ALG5: variants seen among roughly 807,000 people sequenced by gnomAD.
ALG5 encodes ALG5 dolichyl-phosphate beta-glucosyltransferase.
A neutral mutation model predicts 51.8 loss-of-function variants in ALG5; 26 were observed. The observed-to-expected ratio is 0.50, with a 90% CI of 0.37 to 0.70. The LOEUF (loss-of-function observed/expected upper bound fraction) is 0.70, where lower values mean the gene tolerates loss of function less well. Ranked by LOEUF, ALG5 falls within the 30% of genes least tolerant of loss-of-function variation. The pLI is 0.00. For synonymous variants in ALG5, 141 were observed against 136.1 expected, an observed-to-expected ratio of 1.04 and a Z score of -0.25; for missense variants, 311 against 399.3, an observed-to-expected ratio of 0.78 and a Z score of 1.88.
At chr13:36,950,997 CT>C (rs1327459684) in intron 9 of ALG5, among the ~76,000 whole-genome samples, 1 of 152,034 alleles carries the variant, frequency 6.6e-6, no homozygotes, top group Non-Finnish European at 1.5e-5. Flanking sequence ...TAAAGAAGAC[CT>C]TTTTCACTGC....
At chr13:36,971,300 A>C (rs2058921825) in intron 7 of ALG5, among the ~76,000 whole-genome samples, 1 of 152,286 alleles carries the variant, frequency 6.6e-6, no homozygotes, top group Admixed American at 6.5e-5. Context: ...AAAATAAAGC[A>C]CTTAACTGTG....
chr13:36,995,356 G>T (rs1477433177), intron 2 of ALG5, 69 bp downstream of exon 2: 1 of 1,500,050 alleles, frequency 6.7e-7, no homozygotes, highest in African/African-American at 1.4e-5. Flanking sequence ...AGACAGTGAA[G>T]TCAAATACTT....
intron 6 of ALG5, among the ~76,000 whole-genome samples, chr13:36,973,260 G>A (rs2058934824): frequency 6.6e-6 from 1 of 152,046 alleles, no homozygotes; most frequent in African/African-American, 2.4e-5. Flanking sequence ...TTCAAACTAA[G>A]GTGCTGGAAT....
Position 36,985,635 on chromosome 13 carries a change from G to T in ALG5, c.553C>A (p.Pro185Thr). The T allele has an allele frequency of 6.2e-7, 1 of 1,611,914 alleles. No individual in the cohort carries two copies. The highest frequency in any genetic ancestry group is 8.5e-7 in the Non-Finnish European group (1 of 1,178,464). The change falls in exon 6 of 10, where the codon CCT becomes ACT. Residue 185 changes from proline to threonine, a missense_variant. Coordinates refer to ENST00000239891, the MANE Select transcript of ALG5 (RefSeq NM_013338.5). ...KLEKGLNDLQ[P>T]WPNQMAIACG... ...TACATTCTTATACTCACAGGCCAAG[G>T]CTGTAGATCATTTAGCCCCTTTTCT...
chr13:36,974,483 A>G (rs1266394910), intron 6 of ALG5, among the ~76,000 whole-genome samples: 1 of 152,192 alleles, frequency 6.6e-6, no homozygotes, highest in African/African-American at 2.4e-5. Context: ...ATTTCTTTGT[A>G]TTCTTTTTTT....
chr13:36,994,905 C>G, intron 3 of ALG5, 84 bp downstream of exon 3: 1 of 1,203,868 alleles, frequency 8.3e-7, no homozygotes, highest in African/African-American at 1.5e-5. Flanking sequence ...CTGCCTCTCA[C>G]AGTGCATCTG....
At chr13:36,958,900 G>C (rs1006508900) in intron 8 of ALG5, among the ~76,000 whole-genome samples, 5 of 152,020 alleles carry the variant, frequency 3.3e-5, no homozygotes, top group African/African-American at 1.2e-4. Context: ...CCAGGCATTC[G>C]AGCAGGAAGT....
rs1207657129 is a variant in ALG5, at chr13:36,985,607, A to T, written c.561+20T>A. 1.9e-6 allele frequency: 3 copies of T among 1,572,608 alleles called. No homozygotes were observed. Among genetic ancestry groups the T allele is most frequent in the South Asian group, 2.3e-5 (2 of 88,104 alleles). ...TGCATTCTTGACTGAATGTTATTTA[A>T]ACTACATTCTTATACTCACAGGCCA... is the stretch of plus-strand genomic sequence containing the variant. On this transcript the variant is annotated intron_variant, in intron 6 of 9. Coordinates refer to ENST00000239891, the MANE Select transcript of ALG5 (RefSeq NM_013338.5).
At chr13:36,969,164 G>A (rs2058909249) in intron 7 of ALG5, among the ~76,000 whole-genome samples, 1 of 152,138 alleles carries the variant, frequency 6.6e-6, no homozygotes, top group Non-Finnish European at 1.5e-5. Flanking sequence ...CATAGCATAA[G>A]TCTCATTTAA....
chr13:36,999,178 C>T, intron 1 of ALG5, 57 bp downstream of exon 1: 1 of 1,427,556 alleles, frequency 7.0e-7, no homozygotes, highest in Non-Finnish European at 9.3e-7. Flanking sequence ...TGAGGAGCCG[C>T]AGTCTCCAGG....
At chr13:36,953,950 A>G (rs577489880) in intron 8 of ALG5, among the ~76,000 whole-genome samples, 15 of 152,274 alleles carry the variant, frequency 9.9e-5, no homozygotes, top group Admixed American at 9.2e-4. Flanking sequence ...ATAACCTGAA[A>G]AAGATTATTA....
At position 36,965,310 on chromosome 13, in the gene ALG5, A is replaced by AAAAAAAAGGAAGTCTAAGG. The variant is rs1299999593; in HGVS notation, c.773+264_773+265insCCTTAGACTTCCTTTTTTT. Among the ~76,000 whole-genome samples the AAAAAAAAGGAAGTCTAAGG allele has an allele frequency of 2.5e-4, 38 of 152,158 alleles. No homozygotes were observed. The South Asian group carries it at 3.5e-3, about 14-fold the overall frequency. The stretch of plus-strand genomic sequence containing the variant: ...GAGCTTTTTCTTTTTTCTTCAAAGG[A>AAAAAAAAGGAAGTCTAAGG]AAAAAAATGTTTTCAGGCCACTCAA... On this transcript the variant is annotated intron_variant, in intron 8 of 9. Coordinates refer to ENST00000239891, the MANE Select transcript of ALG5 (RefSeq NM_013338.5).
rs149799608 is a variant in ALG5, at chr13:36,989,553, T to C, written c.378A>G (p.Lys126=). Residue 126 remains lysine, a synonymous_variant, in exon 5 of 10, where the codon AAA becomes AAG. Transcript: ENST00000239891. The part of the protein sequence containing the change: ...TSKVAFKYCQ[K]YGSDKVRVIT... ...TCACACGTACTTTGTCACTTCCATA[T>C]TTCTGGCAATATTTAAAAGCTACCT... The C allele has an allele frequency of 2.2e-5, 36 of 1,612,212 alleles. No homozygotes were observed. In the African/African-American group the frequency reaches 4.5e-4, roughly 20 times the overall value.
chr13:36,999,285 A>G lies in ALG5; in HGVS notation c.16T>C (p.Leu6=), dbSNP rs1739090705. 1 of 1,579,380 alleles carries G rather than the reference A, an allele frequency of 6.3e-7. No individual in the cohort carries two copies. The highest frequency in any genetic ancestry group is 8.6e-7 in the Non-Finnish European group (1 of 1,165,632). ...GCCGCGCCGAGCACCGCCAGCTGCA[A>G]CAGAAGCGGAGCCATTCTCCATGCC... MAPLL[L]QLAVLGAALA... The change falls in exon 1 of 10, where the codon TTG becomes CTG. Residue 6 remains leucine (L), a synonymous_variant. Coordinates refer to ENST00000239891, the MANE Select transcript of ALG5 (RefSeq NM_013338.5).
intron 8 of ALG5, among the ~76,000 whole-genome samples, chr13:36,954,208 CT>C (rs2058830179): frequency 6.6e-6 from 1 of 152,170 alleles, no homozygotes; most frequent in Admixed American, 6.5e-5. Context: ...CCACCTTTGC[CT>C]CCTGAACATC....
chr13:36,986,875 C>A (rs1489147873), intron 5 of ALG5, among the ~76,000 whole-genome samples: 1 of 152,138 alleles, frequency 6.6e-6, no homozygotes, highest in African/African-American at 2.4e-5. Flanking sequence ...GGGCAAAAAA[C>A]CAGTAAGTGA....
At chr13:36,959,997 C>A (rs2058858513) in intron 8 of ALG5, among the ~76,000 whole-genome samples, 1 of 151,968 alleles carries the variant, frequency 6.6e-6, no homozygotes, top group Non-Finnish European at 1.5e-5. Context: ...GATAATTATA[C>A]TCTTGAGAGC....
intron 1 of ALG5, among the ~76,000 whole-genome samples, chr13:36,996,058 C>T (rs1161817016): frequency 6.6e-6 from 1 of 152,020 alleles, no homozygotes; most frequent in Non-Finnish European, 1.5e-5. Context: ...GGTGAGGGCA[C>T]ACTTTCCATC....
chr13:36,993,460 G>C, intron 4 of ALG5, 144 bp downstream of exon 4: 1 of 668,682 alleles, frequency 1.5e-6, no homozygotes, highest in Admixed American at 2.8e-5. Context: ...AATGAAATCT[G>C]TTTTTTCTGC....
Sources: allele counts gnomAD v4.1 joint callset (sites outside exome capture counted in the v4.1 genomes callset), GRCh38; gene constraint gnomAD v4.1.1; transcripts MANE v1.5; gene names NCBI Gene and HGNC (gene_info 2026-07-23, HGNC 2026-07-21).